Variants in RIMS2 observed in about 807,000 individuals in gnomAD.
RIMS2 encodes the protein regulating synaptic membrane exocytosis 2.
Under a neutral mutation model 174.4 loss-of-function variants are expected in RIMS2, and 59 were observed. The ratio of observed to expected loss-of-function variants is 0.34; its 90% CI spans 0.27 to 0.42. The LOEUF (loss-of-function observed/expected upper bound fraction) is 0.42. RIMS2 is among the 10% of genes least tolerant of loss of function. The pLI is 1.00. For missense variants in RIMS2, 1,620 were observed against 1,666.3 expected (o/e 0.97, Z 0.48); for synonymous variants, 606 against 572.5 (o/e 1.06, Z -0.84).
intron 19 of RIMS2, among the ~76,000 whole-genome samples, chr8:104,072,126 G>A (rs2097207072): frequency 6.6e-6 from 1 of 152,056 alleles, no homozygotes; most frequent in Admixed American, 6.6e-5. Context: ...TTCTTGATGT[G>A]GAACTATCTT....
intron 1 of RIMS2, among the ~76,000 whole-genome samples, chr8:103,590,772 C>T (rs1481300061): frequency 6.6e-6 from 1 of 151,042 alleles, no homozygotes; most frequent in African/African-American, 2.4e-5. Context: ...GCATATTTCA[C>T]TGAGGATAAT....
In RIMS2 at chr8:104,028,425, T is replaced by C. The variant is rs544618270; in HGVS notation, c.3334+13810T>C. Reference sequence around the variant, plus strand: ...ATAATGATCATTTAAGAATTTCAAATCTTAAAGCTTGTTCTTCTGTATTTT... The same window carrying C: ...ATAATGATCATTTAAGAATTTCAAACCTTAAAGCTTGTTCTTCTGTATTTT... On this transcript the variant is annotated intron_variant, in intron 19 of 23. Coordinates refer to ENST00000504942, the Ensembl canonical transcript of RIMS2. Among the ~76,000 whole-genome samples, 8 of 152,286 alleles carry C rather than the reference T, an allele frequency of 5.3e-5. No homozygotes were observed. In the South Asian group the frequency reaches 1.7e-3, roughly 32 times the overall value.
chr8:103,740,358 T>C (rs530712918), intron 2 of RIMS2, among the ~76,000 whole-genome samples: 2 of 152,322 alleles, frequency 1.3e-5, no homozygotes, highest in East Asian at 3.9e-4. Flanking sequence ...TGCTGACTTC[T>C]TGGCAGTCAG....
intron 19 of RIMS2, among the ~76,000 whole-genome samples, chr8:104,232,418 T>C (rs1563906801): frequency 6.6e-6 from 1 of 152,248 alleles, no homozygotes; most frequent in Non-Finnish European, 1.5e-5. Flanking sequence ...ATGCAACATG[T>C]TTCCTTTCAG....
intron 3 of RIMS2, among the ~76,000 whole-genome samples, chr8:103,854,408 G>A (rs1422399428): frequency 6.6e-6 from 1 of 152,012 alleles, no homozygotes; most frequent in African/African-American, 2.4e-5. Flanking sequence ...AATAAGAGTC[G>A]TGAGAGTGGA....
At chr8:104,254,871 G>A (rs1438923102), downstream of RIMS2, 1 of 152,216 alleles carries the variant, frequency 6.6e-6, no homozygotes, top group Admixed American at 6.5e-5. Flanking sequence ...GTGGGGAGTG[G>A]AGGGTGTGTT....
At chr8:104,239,118 A>G (rs934685475) in intron 19 of RIMS2, among the ~76,000 whole-genome samples, 4 of 152,226 alleles carry the variant, frequency 2.6e-5, no homozygotes, top group Admixed American at 6.5e-5. Flanking sequence ...TTGACAATGC[A>G]TTGTAAGCCC....
At chr8:103,627,895 T>G (rs983009382) in intron 1 of RIMS2, among the ~76,000 whole-genome samples, 1 of 152,236 alleles carries the variant, frequency 6.6e-6, no homozygotes, top group Non-Finnish European at 1.5e-5. Context: ...TTTTAATTTA[T>G]GTTAATCTAG....
intron 1 of RIMS2, among the ~76,000 whole-genome samples, chr8:103,557,180 G>T: frequency 6.6e-6 from 1 of 152,146 alleles, no homozygotes; most frequent in East Asian, 1.9e-4. Context: ...ATAGCTCATT[G>T]TCTCTCTTCT....
intron 2 of RIMS2, among the ~76,000 whole-genome samples, chr8:103,739,207 G>T (rs12677130): frequency 0.011 from 1,747 of 152,132 alleles, 23 homozygotes; most frequent in South Asian, 0.05. Context: ...CCATAAAAAA[G>T]GATGAGTTCA....
chr8:104,058,761 G>A (rs1177149196), intron 19 of RIMS2, among the ~76,000 whole-genome samples: 1 of 152,126 alleles, frequency 6.6e-6, no homozygotes, highest in Non-Finnish European at 1.5e-5. Context: ...CGTAAGGAAG[G>A]GATCCAGTTT....
chr8:103,694,530 G>T lies in RIMS2; in HGVS notation c.177-2556G>T, dbSNP rs79953489. Among the ~76,000 whole-genome samples, 452 of 152,188 alleles carry T rather than the reference G, an allele frequency of 3.0e-3. 3 individuals are homozygous for T. Among genetic ancestry groups the T allele is most frequent in the Non-Finnish European group, 5.3e-3 (357 of 67,990 alleles). On this transcript the variant is annotated intron_variant, in intron 1 of 23. Transcript: ENST00000504942. The stretch of plus-strand genomic sequence containing the variant: ...AGCCCAGGATGGCTGGGGCTATCCT[G>T]GCTCTGTAATATGCCTGGAGGTTCC...
chr8:103,511,865 A>C (rs1231421591), intron 1 of RIMS2, among the ~76,000 whole-genome samples: 2 of 152,164 alleles, frequency 1.3e-5, no homozygotes, highest in Admixed American at 1.3e-4. Flanking sequence ...TACCTATGAC[A>C]GAAACAAATT....
intron 1 of RIMS2, among the ~76,000 whole-genome samples, chr8:103,559,589 C>G (rs974334482): frequency 6.6e-6 from 1 of 152,118 alleles, no homozygotes. Flanking sequence ...GTGATCTTTT[C>G]CTAATGACAC....
intron 19 of RIMS2, among the ~76,000 whole-genome samples, chr8:104,111,872 G>A (rs1444533140): frequency 6.6e-6 from 1 of 152,110 alleles, no homozygotes; most frequent in Non-Finnish European, 1.5e-5. Flanking sequence ...TATATACCAT[G>A]CTCTAATCTA....
At chr8:103,672,644 T>C (rs1001908014) in intron 1 of RIMS2, among the ~76,000 whole-genome samples, 23 of 152,038 alleles carry the variant, frequency 1.5e-4, no homozygotes, top group African/African-American at 5.6e-4. Context: ...CACCAAGCCA[T>C]GAGGGATCTA....
chr8:103,744,821 C>A (rs889800212), intron 2 of RIMS2, among the ~76,000 whole-genome samples: 19 of 152,190 alleles, frequency 1.2e-4, no homozygotes, highest in South Asian at 2.1e-4. Flanking sequence ...AAATAATCTA[C>A]TCTTTAATTG....
At chr8:103,557,290 C>G (rs147681018) in intron 1 of RIMS2, among the ~76,000 whole-genome samples, 1 of 152,310 alleles carries the variant, frequency 6.6e-6, no homozygotes, top group African/African-American at 2.4e-5. Context: ...TAACACTGGA[C>G]TGCTAAGCAG....
intron 1 of RIMS2, among the ~76,000 whole-genome samples, chr8:103,641,456 A>G (rs2096228597): frequency 6.6e-6 from 1 of 152,122 alleles, no homozygotes; most frequent in Non-Finnish European, 1.5e-5. Flanking sequence ...GATCTATCAA[A>G]CACTAGGTCA....
Sources: allele counts gnomAD v4.1 joint callset (sites outside exome capture counted in the v4.1 genomes callset), GRCh38; gene constraint gnomAD v4.1.1; transcripts MANE v1.5; gene names NCBI Gene and HGNC (gene_info 2026-07-23, HGNC 2026-07-21).